Variants in CCDC13 observed in about 807,000 individuals in gnomAD.
CCDC13 encodes the protein coiled-coil domain-containing protein 13.
A neutral mutation model predicts 87.3 loss-of-function variants in CCDC13; 70 were observed. The ratio of observed to expected loss-of-function variants is 0.80; its 90% CI spans 0.66 to 0.98. The LOEUF is 0.98. Among genes scored for constraint, CCDC13 ranks in the 50% least tolerant of loss-of-function variants. CCDC13 has a pLI of 0.00. For synonymous variants in CCDC13, 317 were observed against 360.3 expected (o/e 0.88, Z 1.36); for missense variants, 842 against 892.0 (o/e 0.94, Z 0.71).
At chr3:42,738,073 G>T in intron 9 of CCDC13, among the ~76,000 whole-genome samples, 1 of 152,150 alleles carries the variant, frequency 6.6e-6, no homozygotes, top group Non-Finnish European at 1.5e-5. Flanking sequence ...AATCCATCTT[G>T]AATTAATTTT....
chr3:42,713,305 C>G lies in CCDC13; in HGVS notation c.1730G>C (p.Ser577Thr), dbSNP rs763478190. Residue 577 changes from serine to threonine, a missense_variant, in exon 14 of 16, where the codon AGC (serine) becomes ACC (threonine). Coordinates refer to ENST00000310232, the MANE Select transcript of CCDC13 (RefSeq NM_144719.4). ...CTCTGACTCCAGGAGCTTGCTGTTG[C>G]TCTCCTCCACCCTGGTGATTAGAGA... is the stretch of plus-strand genomic sequence containing the variant. ...VTVLQKRVEESNSKLLESERK... is the reference protein window; with the variant it reads ...VTVLQKRVEETNSKLLESERK... 55 of 1,613,904 alleles carry G rather than the reference C, an allele frequency of 3.4e-5. No individual in the cohort carries two copies. The highest frequency in any genetic ancestry group is 1.6e-4 in the Middle Eastern group (1 of 6,080).
At position 42,729,938 on chromosome 3, in the gene CCDC13, C is replaced by T. The variant is rs75574299; in HGVS notation, c.1718+529G>A. Among the ~76,000 whole-genome samples, 1,358 of 152,298 alleles carry T rather than the reference C, an allele frequency of 8.9e-3. 14 individuals carry two copies. The highest frequency in any genetic ancestry group is 0.015 in the Non-Finnish European group (1,030 of 68,034). ...ATTCTTGCCAAAAGGATCATTTGAG[C>T]GAGGAGCACTGATTTATCTGAACGG... On this transcript the variant is annotated intron_variant, in intron 13 of 15. Coordinates refer to ENST00000310232, the MANE Select transcript of CCDC13 (RefSeq NM_144719.4).
intron 5 of CCDC13, chr3:42,749,913 T>C (rs1230041001): frequency 4.4e-6 from 2 of 456,700 alleles, no homozygotes; most frequent in Non-Finnish European, 8.8e-6. Context: ...GGATTGAGCC[T>C]GCAGGCCTCT....
Position 42,708,877 on chromosome 3 carries a change from G to T in CCDC13, c.*103C>A. On this transcript the variant is annotated 3_prime_UTR_variant, in exon 16 of 16. Coordinates refer to ENST00000310232, the MANE Select transcript of CCDC13 (RefSeq NM_144719.4). ...TCTGGTAGAAGTGGTTGAGCTGGCT[G>T]CCCTGGGCTGGCTTCCCGGAGCAGA... is the stretch of plus-strand genomic sequence containing the variant. 3 of 1,251,630 alleles carry T rather than the reference G, an allele frequency of 2.4e-6. No homozygotes were observed. Among genetic ancestry groups the T allele is most frequent in the Non-Finnish European group, 3.3e-6 (3 of 921,606 alleles). The allele number at this position is 1,251,630 out of a possible 1,614,324, so 77.5% of individuals were successfully genotyped here.
chr3:42,749,560 G>A (rs911242748), intron 5 of CCDC13, among the ~76,000 whole-genome samples: 3 of 152,262 alleles, frequency 2.0e-5, no homozygotes, highest in Non-Finnish European at 2.9e-5. Context: ...CCTGGCTTGA[G>A]TGGGCAGCTG....
chr3:42,758,354 A>G lies in CCDC13; in HGVS notation c.-6-3T>C. 6.2e-7 allele frequency: 1 copy of G among 1,611,526 alleles called. No individual in the cohort carries two copies. The highest frequency in any genetic ancestry group is 8.5e-7 in the Non-Finnish European group (1 of 1,179,840). ...CTTTCATCTGCTGCCATCCTGCCCT[A>G]GGCATCAGAAATGAAGCCTCAGCTG... On this transcript the variant is annotated splice_polypyrimidine_tract_variant and splice_region_variant and intron_variant, in intron 1 of 15. Coordinates refer to ENST00000310232, the MANE Select transcript of CCDC13 (RefSeq NM_144719.4).
intron 1 of CCDC13, among the ~76,000 whole-genome samples, chr3:42,760,322 AAAT>A (rs1699804039): frequency 6.7e-6 from 1 of 150,302 alleles, no homozygotes; most frequent in African/African-American, 2.4e-5. Context: ...ATAAATAAAT[AAAT>A]AAATAAATAG....
intron 8 of CCDC13, 23 bp downstream of exon 8, chr3:42,742,873 T>C (rs764203037): frequency 6.2e-7 from 1 of 1,613,196 alleles, no homozygotes; most frequent in Non-Finnish European, 8.5e-7. Context: ...CATGCCCAGC[T>C]GACCTCCTCA....
rs1698198176 is a variant in CCDC13 at position 42,707,169 on chromosome 3, T to C, written c.*1811A>G. Among the ~76,000 whole-genome samples, 1 of 152,180 alleles carries C rather than the reference T, an allele frequency of 6.6e-6. No homozygotes were observed. The highest frequency in any genetic ancestry group is 6.5e-5 in the Admixed American group (1 of 15,280). ...TACCCCTCATACTCAGATCACCCTC[T>C]GGAGCTCCTCAGGGCCTGCAGGAGA... is the stretch of plus-strand genomic sequence containing the variant. On this transcript the variant is annotated 3_prime_UTR_variant, in exon 16 of 16. Transcript: ENST00000310232.
chr3:42,713,061 A>C (rs1698349012), intron 14 of CCDC13, 101 bp downstream of exon 14: 1 of 1,357,460 alleles, frequency 7.4e-7, no homozygotes, highest in Admixed American at 2.2e-5. Context: ...TCTGCTTCCC[A>C]CATGCTCACT....
At chr3:42,738,724 G>C (rs1281465284) in intron 9 of CCDC13, among the ~76,000 whole-genome samples, 1 of 152,142 alleles carries the variant, frequency 6.6e-6, no homozygotes, top group African/African-American at 2.4e-5. Context: ...TCTGTTACTG[G>C]TGTATAGGAA....
chr3:42,731,125 T>C (rs1307759551), intron 12 of CCDC13, among the ~76,000 whole-genome samples: 2 of 152,184 alleles, frequency 1.3e-5, no homozygotes, highest in Non-Finnish European at 2.9e-5. Context: ...ACCTGCTGGC[T>C]GGAGCCAGGA....
chr3:42,715,134 T>TA (rs1698398630), intron 13 of CCDC13, among the ~76,000 whole-genome samples: 1 of 82,194 alleles, frequency 1.2e-5, no homozygotes, highest in Non-Finnish European at 2.2e-5. Flanking sequence ...TCGTCTCTAC[T>TA]AAAAATACAA....
At chr3:42,770,622 C>T (rs1039454890) in intron 1 of CCDC13, 2 of 152,350 alleles carry the variant, frequency 1.3e-5, no homozygotes, top group African/African-American at 4.8e-5. Context: ...AGGTCCCCTT[C>T]CACACTGTTG....
Position 42,751,934 on chromosome 3 carries a change from A to C in CCDC13, c.603+2T>G, listed in dbSNP as rs776573112. ...CTTCCCAGCACAGAAGAGAATTCATACCAATGCTCTGTCTCCCATCTGGGC... is the reference window on the plus strand; with the variant it reads ...CTTCCCAGCACAGAAGAGAATTCATCCCAATGCTCTGTCTCCCATCTGGGC... On this transcript the variant is annotated splice_donor_variant, in intron 5 of 15. Transcript: ENST00000310232. LOFTEE classifies it high-confidence loss of function. 1.9e-6 allele frequency: 3 copies of C among 1,611,646 alleles called. No homozygotes were observed. In the Admixed American group the frequency reaches 5.0e-5, roughly 27 times the overall value.
chr3:42,744,576 T>G lies in CCDC13; in HGVS notation c.825+1347A>C, dbSNP rs369927947. 1.1e-4 allele frequency among the ~76,000 whole-genome samples: 16 copies of G among 151,462 alleles called. No homozygotes were observed. The East Asian group carries it at 1.6e-3, about 15-fold the overall frequency. On this transcript the variant is annotated intron_variant, in intron 7 of 15. Transcript: ENST00000310232. Reference sequence around the variant, plus strand: ...ATCCCAGCACTTTGGCAAGCCGAGGTGGGCGGATCACGAGGTCAGGAGATC... The same window carrying G: ...ATCCCAGCACTTTGGCAAGCCGAGGGGGGCGGATCACGAGGTCAGGAGATC...
intron 13 of CCDC13, among the ~76,000 whole-genome samples, chr3:42,714,424 C>T (rs976461341): frequency 6.6e-5 from 10 of 152,182 alleles, no homozygotes; most frequent in Non-Finnish European, 7.3e-5. Context: ...TTTAATTGTT[C>T]GCTTTTCTTG....
chr3:42,772,284 A>T (rs1379594501), intron 1 of CCDC13, among the ~76,000 whole-genome samples: 8 of 37,386 alleles, frequency 2.1e-4, no homozygotes, highest in Admixed American at 1.9e-3. Context: ...AAAAAAAAAA[A>T]AAAAAAGTAA....
chr3:42,743,658 A>AATAT (rs539369504), intron 7 of CCDC13, among the ~76,000 whole-genome samples: 3 of 140,378 alleles, frequency 2.1e-5, no homozygotes, highest in African/African-American at 5.5e-5. Flanking sequence ...TATAAATATA[A>AATAT]ATATATATAT....
Sources: allele counts gnomAD v4.1 joint callset (sites outside exome capture counted in the v4.1 genomes callset), GRCh38; gene constraint gnomAD v4.1.1; transcripts MANE v1.5; gene names NCBI Gene and HGNC (gene_info 2026-07-23, HGNC 2026-07-21).